The following PAX8 variants were observed in gnomAD, a reference collection of about 807,000 sequenced individuals.
PAX8 encodes the protein paired box protein Pax-8.
In PAX8, 15 loss-of-function variants were observed where a neutral mutation model predicts 52.4. That is an observed-to-expected ratio of 0.29 (90% CI 0.19 to 0.44). PAX8 has a LOEUF of 0.44. Among genes scored for constraint, PAX8 ranks in the 20% least tolerant of loss-of-function variants. The probability of loss-of-function intolerance (pLI) is 1.00; values close to 1 mark genes in which losing one functional copy is unlikely to be tolerated. For missense variants in PAX8, 554 were observed against 602.5 expected (o/e 0.92, Z 0.84); for synonymous variants, 284 against 249.7 (o/e 1.14, Z -1.29).
chr2:113,246,629 G>T, intron 3 of PAX8, 125 bp downstream of exon 3: 1 of 1,090,428 alleles, frequency 9.2e-7, no homozygotes, highest in Non-Finnish European at 1.4e-6. Flanking sequence ...CAGGTCTCAG[G>T]ACCAAAGCTG....
At chr2:113,233,026 C>T (rs996779758) in intron 9 of PAX8, among the ~76,000 whole-genome samples, 1 of 123,042 alleles carries the variant, frequency 8.1e-6, no homozygotes, top group African/African-American at 3.1e-5. Flanking sequence ...CTCACCCCCT[C>T]CCCTCCCCTC....
At chr2:113,228,068 C>T (rs372499633) in intron 9 of PAX8, among the ~76,000 whole-genome samples, 1 of 152,100 alleles carries the variant, frequency 6.6e-6, no homozygotes, top group East Asian at 1.9e-4. Flanking sequence ...CTGTAAAGAC[C>T]TCATTTCCCG....
chr2:113,269,252 C>A (rs1693311213), intron 2 of PAX8: 1 of 152,204 alleles, frequency 6.6e-6, no homozygotes, highest in Non-Finnish European at 1.5e-5. Flanking sequence ...AGATGGAGCC[C>A]CAGTGTAGAC....
chr2:113,235,297 T>C (rs1690185301), intron 9 of PAX8, 97 bp downstream of exon 9: 4 of 1,037,352 alleles, frequency 3.9e-6, no homozygotes, highest in South Asian at 3.2e-5. Context: ...TGGGGGTGGA[T>C]GAGACTGAGG....
At chr2:113,252,759 A>C (rs1452296442) in intron 2 of PAX8, among the ~76,000 whole-genome samples, 1 of 151,824 alleles carries the variant, frequency 6.6e-6, no homozygotes, top group Non-Finnish European at 1.5e-5. Flanking sequence ...CTGGAATCCT[A>C]CTCCGTCAAT....
chr2:113,227,651 T>C (rs1185275762), intron 9 of PAX8, among the ~76,000 whole-genome samples: 1 of 152,174 alleles, frequency 6.6e-6, no homozygotes, highest in East Asian at 1.9e-4. Context: ...CATAAATACA[T>C]TTGAGACCAC....
At chr2:113,272,121 G>C (rs927400829) in intron 2 of PAX8, 5 of 143,750 alleles carry the variant, frequency 3.5e-5, no homozygotes, top group African/African-American at 8.0e-5. Flanking sequence ...TCCACGGGAA[G>C]AAACACAGAA....
At chr2:113,228,926 CT>C (rs1689736815) in intron 9 of PAX8, among the ~76,000 whole-genome samples, 1 of 152,230 alleles carries the variant, frequency 6.6e-6, no homozygotes, top group Non-Finnish European at 1.5e-5. Context: ...CCTTATCTCT[CT>C]TTCTGGAGAT....
chr2:113,223,700 A>G (rs1689387183), intron 10 of PAX8, among the ~76,000 whole-genome samples: 1 of 152,132 alleles, frequency 6.6e-6, no homozygotes, highest in Non-Finnish European at 1.5e-5. Context: ...GTGGCTCTTT[A>G]TTACATCATC....
chr2:113,216,905 G>A lies in PAX8; in HGVS notation c.*1628C>T, dbSNP rs1418488641. On this transcript the variant is annotated 3_prime_UTR_variant, in exon 12 of 12. Coordinates refer to ENST00000429538, the MANE Select transcript of PAX8 (RefSeq NM_003466.4). ...TCAGTTTCCTCATATGTAAAATGAA[G>A]CTGTATGTAAAACAGGGCTAATTTC... 4.4e-6 allele frequency: 1 copy of A among 228,116 alleles called. No individual in the cohort carries two copies. Among genetic ancestry groups the A allele is most frequent in the Non-Finnish European group, 8.7e-6 (1 of 114,760 alleles). 14.1% of individuals were successfully genotyped at this position (228,116 alleles called of 1,614,324 possible). A position where few individuals can be genotyped will look rare whatever the true frequency, so the allele number is the denominator to read the frequency against.
chr2:113,251,367 G>A (rs1429355074), intron 2 of PAX8, among the ~76,000 whole-genome samples: 2 of 152,112 alleles, frequency 1.3e-5, no homozygotes, highest in South Asian at 2.1e-4. Flanking sequence ...CTGGTTGGGC[G>A]GGAAGTGGGG....
At chr2:113,253,334 G>A (rs1416486246) in intron 2 of PAX8, among the ~76,000 whole-genome samples, 1 of 151,992 alleles carries the variant, frequency 6.6e-6, no homozygotes, top group Non-Finnish European at 1.5e-5. Context: ...GGCATCCCAG[G>A]TAACCCCAGT....
chr2:113,235,572 T>G lies in PAX8; in HGVS notation c.909A>C (p.Ser303=). 6.2e-7 allele frequency: 1 copy of G among 1,609,302 alleles called. No homozygotes were observed. The highest frequency in any genetic ancestry group is 1.3e-5 in the African/African-American group (1 of 74,414). Residue 303 remains serine, a synonymous_variant, in exon 9 of 12, where the codon TCA becomes TCC. Transcript: ENST00000429538. ...GGGTTTCCTGCTTTATGGCGAAGGG[T>G]GAGTGAGGATCTGCCGGAGGGAGGG... The part of the protein sequence containing the change: ...QTYPVVADPH[S]PFAIKQETPE...
intron 9 of PAX8, among the ~76,000 whole-genome samples, chr2:113,231,659 C>G (rs2863242): frequency 6.6e-6 from 1 of 152,122 alleles, no homozygotes; most frequent in Admixed American, 6.5e-5. Flanking sequence ...TCACTGTGTC[C>G]TCTCTCCTCT....
intron 10 of PAX8, chr2:113,226,802 T>C (rs1689606444): frequency 8.2e-7 from 1 of 1,217,494 alleles, no homozygotes; most frequent in Non-Finnish European, 1.0e-6. Flanking sequence ...CCACTCACAG[T>C]GTTTTGGGGC....
At chr2:113,228,186 A>T (rs150767358) in intron 9 of PAX8, among the ~76,000 whole-genome samples, 28 of 152,186 alleles carry the variant, frequency 1.8e-4, no homozygotes, top group African/African-American at 6.5e-4. Flanking sequence ...CATAAACATG[A>T]TCCCTTGCCC....
chr2:113,226,136 C>T lies in PAX8; in HGVS notation c.1189+1019G>A, dbSNP rs1689556502. 3 of 985,470 alleles carry T rather than the reference C, an allele frequency of 3.0e-6. No homozygotes were observed. In the South Asian group the frequency reaches 1.4e-4, roughly 46 times the overall value. The allele number at this position is 985,470 out of a possible 1,614,324, so 61.0% of individuals were successfully genotyped here. The stretch of plus-strand genomic sequence containing the variant: ...TCCCTTCCCTCTGCCCAGGAGATCC[C>T]AGCCCACCTGCCTCTGCATAGGGTG... On this transcript the variant is annotated intron_variant, in intron 10 of 11. Coordinates refer to ENST00000429538, the MANE Select transcript of PAX8 (RefSeq NM_003466.4).
intron 2 of PAX8, chr2:113,270,873 G>A (rs1693419681): frequency 6.6e-6 from 1 of 152,152 alleles, no homozygotes; most frequent in South Asian, 2.1e-4. Flanking sequence ...GTTAAAAGCA[G>A]GGAGGAATGA....
At position 113,244,634 on chromosome 2, in the gene PAX8, T is replaced by C. The variant is rs766759124; in HGVS notation, c.192-10A>G. ...GCCAGTCTCGTAGTACCTACTCCAA[T>C]AGAGAATCCCAAAGAATTACCCAAT... On this transcript the variant is annotated splice_polypyrimidine_tract_variant and intron_variant, in intron 3 of 11. Coordinates refer to ENST00000429538, the MANE Select transcript of PAX8 (RefSeq NM_003466.4). 1.3e-5 allele frequency: 21 copies of C among 1,613,282 alleles called. No homozygotes were observed. The highest frequency in any genetic ancestry group is 1.7e-5 in the Non-Finnish European group (20 of 1,179,286).
Sources: gnomAD v4.1 joint callset for allele counts (sites outside exome capture counted in the v4.1 genomes callset) on GRCh38, gnomAD v4.1.1 for gene constraint, MANE v1.5 for transcripts, NCBI Gene and HGNC (gene_info 2026-07-23, HGNC 2026-07-21) for gene names.